FAM107A: variants seen among roughly 807,000 people sequenced by gnomAD.
FAM107A encodes the protein actin-associated protein FAM107A.
FAM107A carries 19 observed loss-of-function variants against 13.7 expected under a neutral mutation model. The observed-to-expected ratio is 1.38, with a 90% CI of 0.97 to 2.03. FAM107A has a LOEUF of 2.03. Among genes scored for constraint, FAM107A ranks in the 30% most tolerant of loss-of-function variants. FAM107A has a pLI of 0.00. For synonymous variants in FAM107A, 82 were observed against 74.5 expected (o/e 1.10, Z -0.52); for missense variants, 203 against 184.4 (o/e 1.10, Z -0.58).
intron 1 of FAM107A, among the ~76,000 whole-genome samples, chr3:58,592,177 C>T (rs1042835836): frequency 1.3e-5 from 2 of 152,190 alleles, no homozygotes; most frequent in African/African-American, 2.4e-5. Flanking sequence ...TAACCTTAAT[C>T]TGTGGAAGAA....
At chr3:58,615,506 C>G (rs1009909943) in intron 1 of FAM107A, among the ~76,000 whole-genome samples, 2 of 152,164 alleles carry the variant, frequency 1.3e-5, no homozygotes, top group East Asian at 1.9e-4. Context: ...AGATTTGAGA[C>G]AGTTAAATAA....
At chr3:58,598,119 G>A (rs1329965548) in intron 1 of FAM107A, among the ~76,000 whole-genome samples, 2 of 152,098 alleles carry the variant, frequency 1.3e-5, no homozygotes, top group Non-Finnish European at 2.9e-5. Context: ...ATGTCGCAAC[G>A]CTCACCCCGA....
At chr3:58,582,702 A>G (rs1050181343), upstream of FAM107A, among the ~76,000 whole-genome samples, 2 of 152,100 alleles carry the variant, frequency 1.3e-5, no homozygotes, top group Non-Finnish European at 2.9e-5. Flanking sequence ...AACAAAGGAG[A>G]TATGTTCTGG....
At chr3:58,603,520 A>C (rs1449398326) in intron 1 of FAM107A, among the ~76,000 whole-genome samples, 1 of 152,158 alleles carries the variant, frequency 6.6e-6, no homozygotes, top group Admixed American at 6.6e-5. Context: ...CAGGAGAAGA[A>C]GTTAAGTCAA....
At position 58,613,722 on chromosome 3, in the gene FAM107A, G is replaced by A. The variant is rs2065875996; in HGVS notation, c.-70+13694C>T. The stretch of plus-strand genomic sequence containing the variant: ...GGGTACCCTAGGGCCATATCTCCCA[G>A]GGAGAGGTGAGTCTTGGGGAGGCTC... On this transcript the variant is annotated intron_variant, in intron 1 of 3. Coordinates refer to the FAM107A transcript ENST00000465970. This position sits in a 1 kb window ranked among gnomAD's most constrained non-coding sequence, Gnocchi z 4.6. Among the ~76,000 whole-genome samples, 1 of 152,166 alleles carries A rather than the reference G, an allele frequency of 6.6e-6. No homozygotes were observed. Among genetic ancestry groups the A allele is most frequent in the South Asian group, 2.1e-4 (1 of 4,830 alleles).
intron 1 of FAM107A, chr3:58,607,906 G>A (rs551231071): frequency 3.9e-5 from 6 of 152,364 alleles, no homozygotes; most frequent in African/African-American, 1.4e-4. Context: ...TTCAACTCAT[G>A]CCTTGACTGC....
intron 1 of FAM107A, among the ~76,000 whole-genome samples, chr3:58,585,854 G>T (rs2065600008): frequency 6.6e-6 from 1 of 152,114 alleles, no homozygotes; most frequent in South Asian, 2.1e-4. Context: ...GAATTATTTG[G>T]ACACTGGTCA....
In FAM107A at chr3:58,622,129, G is replaced by A. The variant is rs1223490888; in HGVS notation, c.-70+5287C>T. On this transcript the variant is annotated intron_variant, in intron 1 of 3. Coordinates refer to the FAM107A transcript ENST00000465970. ...AGCAGCCTCTACTTTGCTGGGCTGT[G>A]GATGTGCTGGAGGGACAGCATGAAA... is the stretch of plus-strand genomic sequence containing the variant. Among the ~76,000 whole-genome samples, 5 of 152,290 alleles carry A rather than the reference G, an allele frequency of 3.3e-5. No homozygotes were observed. In the East Asian group the frequency reaches 9.6e-4, roughly 29 times the overall value.
At chr3:58,588,862 T>C (rs1049971833), upstream of FAM107A, among the ~76,000 whole-genome samples, 2 of 152,102 alleles carry the variant, frequency 1.3e-5, no homozygotes, top group African/African-American at 4.8e-5. Context: ...TTTTGCCATG[T>C]TGGTCTCGAA....
chr3:58,572,028 G>T lies in FAM107A; in HGVS notation c.-5-2163C>A, dbSNP rs1360319173. 2.2e-4 allele frequency among the ~76,000 whole-genome samples: 34 copies of T among 152,182 alleles called. 1 individual carries two copies. Among genetic ancestry groups the T allele is most frequent in the Admixed American group, 2.2e-3 (33 of 15,278 alleles). On this transcript the variant is annotated intron_variant, in intron 1 of 3. Coordinates refer to ENST00000360997, the MANE Select transcript of FAM107A (RefSeq NM_001076778.3). ...TTGTATAGATAAAGCCATACACCCAGAATTCCCACATGGATGAACAGAAAC... is the reference window on the plus strand; with the variant it reads ...TTGTATAGATAAAGCCATACACCCATAATTCCCACATGGATGAACAGAAAC...
intron 1 of FAM107A, among the ~76,000 whole-genome samples, chr3:58,616,205 C>T (rs1405942906): frequency 3.9e-5 from 6 of 152,012 alleles, no homozygotes; most frequent in South Asian, 2.1e-4. Flanking sequence ...CATATGGGAA[C>T]GCACTGCAGC....
chr3:58,613,867 C>T lies in FAM107A; in HGVS notation c.-70+13549G>A, dbSNP rs150016335. Among the ~76,000 whole-genome samples the T allele has an allele frequency of 2.8e-3, 431 of 152,344 alleles. No homozygotes were observed. Among genetic ancestry groups the T allele is most frequent in the African/African-American group, 9.7e-3 (405 of 41,574 alleles). On this transcript the variant is annotated intron_variant, in intron 1 of 3. Coordinates refer to the FAM107A transcript ENST00000465970. The surrounding 1 kb of genome is among the most constrained non-coding windows in gnomAD (Gnocchi z 4.6). ...CCTTACGGCCTGTCCAAGGTCTATA[C>T]GTTACATCTGCCTCAGACAGCCTTC... is the stretch of plus-strand genomic sequence containing the variant.
intron 1 of FAM107A, among the ~76,000 whole-genome samples, chr3:58,626,542 A>T (rs2066019500): frequency 6.6e-6 from 1 of 152,192 alleles, no homozygotes; most frequent in Admixed American, 6.5e-5. Context: ...TGAGGAAATA[A>T]GGTACAGAAA....
At chr3:58,598,095 C>T (rs564898887) in intron 1 of FAM107A, among the ~76,000 whole-genome samples, 2 of 152,300 alleles carry the variant, frequency 1.3e-5, no homozygotes, top group African/African-American at 4.8e-5. Context: ...CTCTCTGGAG[C>T]CCACAGCCAC....
chr3:58,616,022 G>A (rs775620796), intron 1 of FAM107A, among the ~76,000 whole-genome samples: 1 of 152,068 alleles, frequency 6.6e-6, no homozygotes, highest in Non-Finnish European at 1.5e-5. Flanking sequence ...GCTCTGAGGT[G>A]GGGAAGAGAT....
At chr3:58,605,847 C>G (rs572625901) in intron 1 of FAM107A, among the ~76,000 whole-genome samples, 56 of 152,292 alleles carry the variant, frequency 3.7e-4, no homozygotes, top group African/African-American at 1.3e-3. Context: ...CAGTAGTAGA[C>G]CCAAGAATCA....
upstream of FAM107A, among the ~76,000 whole-genome samples, chr3:58,588,487 C>T (rs558858335): frequency 6.6e-6 from 1 of 152,320 alleles, no homozygotes; most frequent in East Asian, 1.9e-4. Flanking sequence ...ACCTCAGATG[C>T]CAATCAGGGG....
chr3:58,627,075 A>T, intron 1 of FAM107A: 1 of 1,404,470 alleles, frequency 7.1e-7, no homozygotes, highest in Non-Finnish European at 9.7e-7. Flanking sequence ...CTCAGGAGCC[A>T]GGACCCAAGG....
At chr3:58,579,852 C>T (rs1475644828), upstream of FAM107A, among the ~76,000 whole-genome samples, 2 of 152,204 alleles carry the variant, frequency 1.3e-5, no homozygotes. Flanking sequence ...AGTCACTGTG[C>T]TTCTCCCACA....
Sources: allele counts gnomAD v4.1 joint callset (sites outside exome capture counted in the v4.1 genomes callset), GRCh38; gene constraint gnomAD v4.1.1; non-coding constraint Gnocchi (gnomAD v3.1); transcripts MANE v1.5; gene names NCBI Gene and HGNC (gene_info 2026-07-23, HGNC 2026-07-21).